The following TERF2 variants were observed in gnomAD, a reference collection of about 807,000 sequenced individuals.
TERF2 encodes telomeric repeat-binding factor 2.
Under a neutral mutation model 56.1 loss-of-function variants are expected in TERF2, and 16 were observed. That is an observed-to-expected ratio of 0.29 (90% confidence interval 0.19 to 0.43). TERF2 has a LOEUF of 0.43. TERF2 is among the 20% of genes least tolerant of loss of function. TERF2 has a pLI of 1.00. For synonymous variants in TERF2, 296 were observed against 282.1 expected, an observed-to-expected ratio of 1.05 and a Z score of -0.50; for missense variants, 547 against 712.9, an observed-to-expected ratio of 0.77 and a Z score of 2.65.
In TERF2 at chr16:69,385,447, G is replaced by A. The variant is rs937154078; in HGVS notation, c.419C>T (p.Ser140Phe). ...VRPLGKEHTV[S>F]RLLRVMQCLS... is the part of the protein sequence containing the mutation. ...ACACTGCATAACCCGCAGCAATCGG[G>A]ACACGGTGTGCTCCTTCCCCAAGGG... Residue 140 changes from serine (S) to phenylalanine (F), a missense_variant, in exon 2 of 10, where the codon TCC (serine) becomes TTC (phenylalanine). Ser to Phe is a radical substitution (Grantham distance 155, BLOSUM62 -2). Coordinates refer to ENST00000254942, the MANE Select transcript of TERF2 (RefSeq NM_005652.5). The A allele has an allele frequency of 5.0e-6, 8 of 1,613,972 alleles. No homozygotes were observed. The African/African-American group carries it at 1.1e-4, about 22-fold the overall frequency.
At chr16:69,372,710 C>G (rs778763227) in intron 3 of TERF2, among the ~76,000 whole-genome samples, 3 of 151,962 alleles carry the variant, frequency 2.0e-5, no homozygotes, top group Non-Finnish European at 2.9e-5. Context: ...TGCAGTAAGC[C>G]GAGATCGCGC....
chr16:69,368,046 G>A (rs1470648133), intron 6 of TERF2, among the ~76,000 whole-genome samples: 2 of 152,166 alleles, frequency 1.3e-5, no homozygotes, highest in Non-Finnish European at 2.9e-5. Context: ...TTTGGGATTC[G>A]ACTCACAGAT....
chr16:69,361,316 A>G, intron 8 of TERF2, 88 bp downstream of exon 8: 1 of 924,240 alleles, frequency 1.1e-6, no homozygotes, highest in Non-Finnish European at 1.8e-6. Context: ...TTCGGAGACA[A>G]GCAGCTTCTG....
Position 69,362,115 on chromosome 16 carries a change from G to A in TERF2, c.1341-626C>T, listed in dbSNP as rs140214354. ...GAGTCCACACCATCCAGTCTGGCCC[G>A]TCAGTTTCTAACCAACCGCCCCACG... On this transcript the variant is annotated intron_variant, in intron 7 of 9. Coordinates refer to ENST00000254942, the MANE Select transcript of TERF2 (RefSeq NM_005652.5). 2.8e-4 allele frequency among the ~76,000 whole-genome samples: 42 copies of A among 151,712 alleles called. No homozygotes were observed. The East Asian group carries it at 7.0e-3, about 25-fold the overall frequency.
Position 69,380,282 on chromosome 16 carries a change from T to A in TERF2, c.606+4298A>T, listed in dbSNP as rs191562711. ...AGCTGAAAATGGAGGAGTATTTTAA[T>A]AGCTTTTTCAGAAAACTGTGGCTAT... On this transcript the variant is annotated intron_variant, in intron 3 of 9. Coordinates refer to ENST00000254942, the MANE Select transcript of TERF2 (RefSeq NM_005652.5). 6.6e-5 allele frequency among the ~76,000 whole-genome samples: 10 copies of A among 152,304 alleles called. No homozygotes were observed. In the East Asian group the frequency reaches 1.5e-3, roughly 23 times the overall value.
rs2014186450 is a variant in TERF2 at position 69,385,889 on chromosome 16, C to T, written c.83G>A (p.Arg28Gln). The T allele has an allele frequency of 3.6e-6, 5 of 1,374,230 alleles. No individual in the cohort carries two copies. The highest frequency in any genetic ancestry group is 4.7e-6 in the Non-Finnish European group (5 of 1,062,054). 85.1% of individuals were successfully genotyped at this position (1,374,230 alleles called of 1,614,324 possible). A position where few individuals can be genotyped will look rare whatever the true frequency, so the allele number is the denominator to read the frequency against. Residue 28 changes from arginine to glutamine, a missense_variant, in exon 1 of 10, where the codon CGG (arginine) becomes CAG (glutamine). Coordinates refer to ENST00000254942, the MANE Select transcript of TERF2 (RefSeq NM_005652.5). ...GCCCTCCCCGCCCTCCCGGCCGGGC[C>T]GCTTCCTCGGCTGTGACGCCGCTGG... ...RDPAASQPRK[R>Q]PGREGGEGAR...
intron 7 of TERF2, 189 bp downstream of exon 7, chr16:69,366,618 A>G (rs1233960283): frequency 4.3e-6 from 3 of 697,178 alleles, no homozygotes; most frequent in African/African-American, 1.8e-5. Context: ...GGAAGCCCAC[A>G]TGCGGGGCTT....
chr16:69,378,915 G>A (rs1357929794), intron 3 of TERF2, among the ~76,000 whole-genome samples: 2 of 148,674 alleles, frequency 1.3e-5, no homozygotes, highest in African/African-American at 2.5e-5. Context: ...GTTGTGCTAT[G>A]AGCTTATCTT....
chr16:69,368,706 T>TG lies in TERF2; in HGVS notation c.841-225_841-224insC. 4 of 1,108,948 alleles carry TG rather than the reference T, an allele frequency of 3.6e-6. No homozygotes were observed. The East Asian group carries it at 1.5e-4, about 42-fold the overall frequency. 68.7% of individuals were successfully genotyped at this position (1,108,948 alleles called of 1,614,324 possible). ...AATACATTTTTTTTGAGAGGGAGTCTTGCTCTGTCGCCCAGGCTGCAGCAC... is the reference window on the plus strand; with the variant it reads ...AATACATTTTTTTTGAGAGGGAGTCTGTGCTCTGTCGCCCAGGCTGCAGCAC... On this transcript the variant is annotated intron_variant, in intron 5 of 9. Transcript: ENST00000254942.
At chr16:69,357,869 G>A (rs1441033887) in intron 8 of TERF2, among the ~76,000 whole-genome samples, 1 of 126,386 alleles carries the variant, frequency 7.9e-6, no homozygotes. Flanking sequence ...TTTTTTTTGA[G>A]ACGGAGTCTT....
Position 69,377,148 on chromosome 16 carries a change from A to T in TERF2, c.607-4793T>A, listed in dbSNP as rs112493085. The stretch of plus-strand genomic sequence containing the variant: ...AACCTAGGAGACGGAGGTTGCAGTG[A>T]GCTGAGATTGTGCCACTGCACTCCA... On this transcript the variant is annotated intron_variant, in intron 3 of 9. Transcript: ENST00000254942. Among the ~76,000 whole-genome samples the T allele has an allele frequency of 2.5e-3, 376 of 149,438 alleles. 1 individual carries two copies. The highest frequency in any genetic ancestry group is 7.6e-3 in the African/African-American group (308 of 40,788).
At chr16:69,363,509 C>T (rs1265784393) in intron 7 of TERF2, among the ~76,000 whole-genome samples, 1 of 152,136 alleles carries the variant, frequency 6.6e-6, no homozygotes, top group Non-Finnish European at 1.5e-5. Flanking sequence ...TGGTCCTGGC[C>T]AAGTCAGGCC....
intron 4 of TERF2, 81 bp from the exon 5 acceptor site, chr16:69,370,710 T>G: frequency 7.2e-7 from 1 of 1,397,232 alleles, no homozygotes; most frequent in Admixed American, 2.2e-5. Context: ...AGACAGACAC[T>G]ATGAGAACTT....
chr16:69,371,685 T>C (rs1221143611), intron 4 of TERF2, among the ~76,000 whole-genome samples: 2 of 151,938 alleles, frequency 1.3e-5, no homozygotes, highest in Non-Finnish European at 2.9e-5. Context: ...TGTGGTGGCA[T>C]GCAGCTGTGA....
intron 3 of TERF2, among the ~76,000 whole-genome samples, chr16:69,379,881 T>C (rs997878481): frequency 2.0e-5 from 3 of 152,152 alleles, no homozygotes; most frequent in African/African-American, 7.2e-5. Context: ...ACTGCTTCTG[T>C]ATTTAATCTG....
chr16:69,370,921 C>T (rs1479095223), intron 4 of TERF2, among the ~76,000 whole-genome samples: 1 of 152,056 alleles, frequency 6.6e-6, no homozygotes, highest in African/African-American at 2.4e-5. Context: ...AAAGTGTTCA[C>T]ATTAGTGTGT....
intron 8 of TERF2, among the ~76,000 whole-genome samples, chr16:69,358,175 G>T (rs1195516036): frequency 2.0e-5 from 3 of 152,170 alleles, no homozygotes; most frequent in African/African-American, 7.2e-5. Context: ...ACTACGCCCG[G>T]CTAATTTTTT....
rs2012927118 is a variant in TERF2 at position 69,356,881 on chromosome 16, G to A, written c.*17C>T. The A allele has an allele frequency of 6.2e-7, 1 of 1,604,212 alleles. No homozygotes were observed. The highest frequency in any genetic ancestry group is 1.3e-5 in the African/African-American group (1 of 74,386). ...GGAACCATGCTCCTGTGAATTCTGT[G>A]GAAATGAAAGCCTGTTTCAGTTCAT... On this transcript the variant is annotated 3_prime_UTR_variant, in exon 10 of 10. Coordinates refer to ENST00000254942, the MANE Select transcript of TERF2 (RefSeq NM_005652.5).
chr16:69,370,126 G>A, intron 5 of TERF2: 1 of 257,730 alleles, frequency 3.9e-6, no homozygotes, highest in Non-Finnish European at 7.4e-6. Flanking sequence ...CATCTCCTGG[G>A]TTCAAGCGAT....
Sources: gnomAD v4.1 joint callset for allele counts (sites outside exome capture counted in the v4.1 genomes callset) on GRCh38, gnomAD v4.1.1 for gene constraint, MANE v1.5 for transcripts, NCBI Gene and HGNC (gene_info 2026-07-23, HGNC 2026-07-21) for gene names.